Variants in CACNA2D1 observed in about 807,000 individuals in gnomAD.
CACNA2D1 encodes calcium voltage-gated channel auxiliary subunit alpha2delta 1.
A neutral mutation model predicts 171.5 loss-of-function variants in CACNA2D1; 53 were observed. The ratio of observed to expected loss-of-function variants is 0.31; its 90% confidence interval spans 0.25 to 0.39. The LOEUF (loss-of-function observed/expected upper bound fraction) is 0.39, where lower values mean the gene tolerates loss of function less well. Ranked by LOEUF, CACNA2D1 falls within the 10% of genes least tolerant of loss-of-function variation. The probability of loss-of-function intolerance (pLI) is 1.00; values close to 1 mark genes in which losing one functional copy is unlikely to be tolerated. For missense variants in CACNA2D1, 903 were observed against 1,299.8 expected (o/e 0.69, Z 4.69); for synonymous variants, 442 against 443.1 (o/e 1.00, Z 0.03).
intron 1 of CACNA2D1, among the ~76,000 whole-genome samples, chr7:82,392,394 T>C (rs909012875): frequency 6.6e-6 from 1 of 152,200 alleles, no homozygotes; most frequent in Admixed American, 6.5e-5. Flanking sequence ...AATTCTTCTC[T>C]GCCACACTCA....
chr7:82,124,792 G>A (rs965252516), intron 5 of CACNA2D1, among the ~76,000 whole-genome samples: 2 of 151,894 alleles, frequency 1.3e-5, no homozygotes, highest in Admixed American at 6.6e-5. Flanking sequence ...ACCCTCCACC[G>A]GTAACACCTA....
chr7:82,214,233 T>G (rs1331656331), intron 3 of CACNA2D1, among the ~76,000 whole-genome samples: 5 of 152,176 alleles, frequency 3.3e-5, no homozygotes, highest in Non-Finnish European at 7.3e-5. Flanking sequence ...AAATTCCTAC[T>G]CACATTTGAA....
chr7:82,003,308 A>G (rs1199307832), intron 18 of CACNA2D1, among the ~76,000 whole-genome samples: 1 of 152,086 alleles, frequency 6.6e-6, no homozygotes, highest in African/African-American at 2.4e-5. Context: ...CTTTAATAAA[A>G]TCCAAATATA....
chr7:82,291,421 TATATA>T (rs1232569929), intron 3 of CACNA2D1, among the ~76,000 whole-genome samples: 1 of 136,782 alleles, frequency 7.3e-6, no homozygotes, highest in Non-Finnish European at 1.5e-5. Flanking sequence ...AATATCTAGA[TATATA>T]ATATATAAAA....
intron 3 of CACNA2D1, among the ~76,000 whole-genome samples, chr7:82,217,842 T>A (rs987868975): frequency 5.3e-5 from 8 of 151,782 alleles, no homozygotes; most frequent in African/African-American, 1.9e-4. Context: ...ATCAGTGACC[T>A]ACCTACATGT....
At chr7:82,065,499 TG>T (rs1380547909) in intron 8 of CACNA2D1, among the ~76,000 whole-genome samples, 2 of 152,176 alleles carry the variant, frequency 1.3e-5, no homozygotes, top group African/African-American at 2.4e-5. Flanking sequence ...AACAGCCCCA[TG>T]GCTCCACAGG....
rs1008562051 is a variant in CACNA2D1 at position 82,367,714 on chromosome 7, C to T, written c.96-18065G>A. 3.3e-5 allele frequency among the ~76,000 whole-genome samples: 5 copies of T among 152,018 alleles called. No homozygotes were observed. In the South Asian group the frequency reaches 1.0e-3, roughly 32 times the overall value. On this transcript the variant is annotated intron_variant, in intron 1 of 38. Transcript: ENST00000356860. ...AAAAAAGATGACTCTTTGAGGCAAG[C>T]AAGCAGAGTAGTCAAATTGGTATAT... is the stretch of plus-strand genomic sequence containing the variant.
chr7:82,380,166 T>C (rs1823527751), intron 1 of CACNA2D1, among the ~76,000 whole-genome samples: 1 of 152,180 alleles, frequency 6.6e-6, no homozygotes, highest in African/African-American at 2.4e-5. Context: ...CATTAAAGCA[T>C]GGTTCATTTC....
chr7:82,427,273 A>G (rs137898007), intron 1 of CACNA2D1, among the ~76,000 whole-genome samples: 29 of 152,342 alleles, frequency 1.9e-4, no homozygotes, highest in African/African-American at 5.3e-4. Flanking sequence ...GGAGAAACTT[A>G]AAACAGTGGG....
At chr7:82,116,990 A>AT in intron 6 of CACNA2D1, 54 bp downstream of exon 6, 1 of 1,600,040 alleles carries the variant, frequency 6.2e-7, no homozygotes, top group South Asian at 1.1e-5. Context: ...CATGGGAAAC[A>AT]TAAGACAGGC....
chr7:82,365,381 T>C (rs943458253), intron 1 of CACNA2D1, among the ~76,000 whole-genome samples: 4 of 152,252 alleles, frequency 2.6e-5, no homozygotes, highest in African/African-American at 9.6e-5. Flanking sequence ...AAACATATGA[T>C]TACTTTGGTT....
chr7:82,097,359 T>C (rs535033936), intron 6 of CACNA2D1, among the ~76,000 whole-genome samples: 71 of 152,170 alleles, frequency 4.7e-4, no homozygotes, highest in African/African-American at 1.5e-3. Context: ...CAGATGTGAA[T>C]AGAGAAGAGA....
chr7:82,232,603 C>T (rs1214243752), intron 3 of CACNA2D1, among the ~76,000 whole-genome samples: 3 of 151,940 alleles, frequency 2.0e-5, no homozygotes, highest in South Asian at 4.1e-4. Context: ...CAGTGGCTCA[C>T]GCCTGTAATC....
chr7:82,301,730 TACACACACACACAC>T (rs4018910), intron 3 of CACNA2D1, among the ~76,000 whole-genome samples: 1,577 of 142,260 alleles, frequency 0.011, 14 homozygotes, highest in African/African-American at 0.039. Context: ...TGGTAAATAA[TACACACACACACAC>T]ACACACACAC....
intron 1 of CACNA2D1, among the ~76,000 whole-genome samples, chr7:82,415,735 TTTAGA>T (rs1255197511): frequency 1.3e-5 from 2 of 152,024 alleles, no homozygotes; most frequent in African/African-American, 4.8e-5. Flanking sequence ...CTGCTTTAGA[TTTAGA>T]TTAATCTTAA....
At chr7:82,117,284 A>T (rs889776877) in intron 5 of CACNA2D1, 111 bp from the exon 6 acceptor site, 1 of 1,027,528 alleles carries the variant, frequency 9.7e-7, no homozygotes, top group Admixed American at 2.0e-5. Flanking sequence ...AATCTACAAC[A>T]ATTGTTTAAA....
At chr7:82,098,106 G>A (rs1465886254) in intron 6 of CACNA2D1, among the ~76,000 whole-genome samples, 1 of 151,828 alleles carries the variant, frequency 6.6e-6, no homozygotes, top group Admixed American at 6.6e-5. Flanking sequence ...CTCCAGCCTG[G>A]GTGACAGAGC....
At chr7:82,394,080 C>A (rs780349189) in intron 1 of CACNA2D1, among the ~76,000 whole-genome samples, 1 of 151,942 alleles carries the variant, frequency 6.6e-6, no homozygotes, top group Non-Finnish European at 1.5e-5. Flanking sequence ...ATATTAAGTT[C>A]GCCAATAGAG....
At chr7:82,101,361 C>G (rs1459386884) in intron 6 of CACNA2D1, among the ~76,000 whole-genome samples, 1 of 152,064 alleles carries the variant, frequency 6.6e-6, no homozygotes. Context: ...GGGGAGCACA[C>G]AGGTGATGAT....
Sources: allele counts gnomAD v4.1 joint callset (sites outside exome capture counted in the v4.1 genomes callset), GRCh38; gene constraint gnomAD v4.1.1; transcripts MANE v1.5; gene names NCBI Gene and HGNC (gene_info 2026-07-23, HGNC 2026-07-21).